The following PLCB1 variants were observed in gnomAD, a reference collection of about 807,000 sequenced individuals.
PLCB1 encodes the protein phospholipase C beta 1.
In PLCB1, 46 loss-of-function variants were observed where a neutral mutation model predicts 161.8. The ratio of observed to expected loss-of-function variants is 0.28; its 90% confidence interval spans 0.22 to 0.36. PLCB1 has a LOEUF of 0.36. Among genes scored for constraint, PLCB1 ranks in the 10% least tolerant of loss-of-function variants. The probability of loss-of-function intolerance (pLI) is 1.00; values close to 1 mark genes in which losing one functional copy is unlikely to be tolerated. For synonymous variants in PLCB1, 517 were observed against 503.7 expected (o/e 1.03, Z -0.35); for missense variants, 1,016 against 1,472.5 (o/e 0.69, Z 5.07).
chr20:8,483,757 T>C (rs918614542), intron 3 of PLCB1, among the ~76,000 whole-genome samples: 1 of 152,232 alleles, frequency 6.6e-6, no homozygotes, highest in Non-Finnish European at 1.5e-5. Flanking sequence ...GAGCTGCAAA[T>C]GAAGACTAGT....
chr20:8,539,520 C>A (rs1241947921), intron 3 of PLCB1, among the ~76,000 whole-genome samples: 3 of 152,060 alleles, frequency 2.0e-5, no homozygotes, highest in Non-Finnish European at 2.9e-5. Flanking sequence ...CCTTTGAGGT[C>A]GGGAAATATT....
chr20:8,629,523 C>T (rs1415541511), intron 4 of PLCB1, among the ~76,000 whole-genome samples: 2 of 152,120 alleles, frequency 1.3e-5, no homozygotes, highest in African/African-American at 4.8e-5. Flanking sequence ...CTTTCTTTTT[C>T]CATTTTTATA....
At chr20:8,573,390 C>T (rs1051925804) in intron 3 of PLCB1, among the ~76,000 whole-genome samples, 3 of 152,100 alleles carry the variant, frequency 2.0e-5, no homozygotes, top group African/African-American at 7.2e-5. Flanking sequence ...AGAAATGGTG[C>T]TGTGTTTGCC....
At position 8,486,870 on chromosome 20, in the gene PLCB1, T is replaced by TATC. The variant is rs553981847; in HGVS notation, c.246+115421_246+115423dup. On this transcript the variant is annotated intron_variant, in intron 3 of 31. Transcript: ENST00000338037. ...ACAAGCTGTATTTGTTTGTTGACAT[T>TATC]ATCTATCAAAGAGGCTTCTAAACAC... Among the ~76,000 whole-genome samples the TATC allele has an allele frequency of 5.5e-3, 842 of 152,334 alleles. 5 individuals carry two copies. Among genetic ancestry groups the TATC allele is most frequent in the Middle Eastern group, 0.01 (3 of 294 alleles).
chr20:8,567,453 T>A lies in PLCB1; in HGVS notation c.247-60841T>A, dbSNP rs187572873. On this transcript the variant is annotated intron_variant, in intron 3 of 31. Transcript: ENST00000338037. ...GTGGACAACCCAATGCCTGGGAACA[T>A]GATGTTCATAAGTTTAGTATTCTCC... Among the ~76,000 whole-genome samples, 61 of 152,228 alleles carry A rather than the reference T, an allele frequency of 4.0e-4. 1 individual carries two copies. The East Asian group carries it at 0.011, about 28-fold the overall frequency.
At chr20:8,536,844 A>C (rs529434809) in intron 3 of PLCB1, among the ~76,000 whole-genome samples, 1 of 152,198 alleles carries the variant, frequency 6.6e-6, no homozygotes, top group Non-Finnish European at 1.5e-5. Flanking sequence ...GCATGGGGGA[A>C]TATCATACAG....
chr20:8,505,091 G>A (rs1377729558), intron 3 of PLCB1, among the ~76,000 whole-genome samples: 1 of 152,068 alleles, frequency 6.6e-6, no homozygotes, highest in African/African-American at 2.4e-5. Context: ...CAAACTCCTG[G>A]CCTCAGCAAT....
intron 2 of PLCB1, among the ~76,000 whole-genome samples, chr20:8,209,374 T>A (rs925073010): frequency 6.6e-6 from 1 of 152,132 alleles, no homozygotes; most frequent in Non-Finnish European, 1.5e-5. Flanking sequence ...ACAGCTTTTC[T>A]TAGCAAATGT....
rs375655622 is a variant in PLCB1 at position 8,634,131 on chromosome 20, T to C, written c.384+5700T>C. 2.8e-4 allele frequency among the ~76,000 whole-genome samples: 42 copies of C among 152,358 alleles called. No individual in the cohort carries two copies. The East Asian group carries it at 3.3e-3, about 12-fold the overall frequency. ...ACTGGTCATAGATCTTTGTGTGTACTGCTTTGATAGATACTGTCCTTTTCT... is the reference window on the plus strand; with the variant it reads ...ACTGGTCATAGATCTTTGTGTGTACCGCTTTGATAGATACTGTCCTTTTCT... On this transcript the variant is annotated intron_variant, in intron 4 of 31. Transcript: ENST00000338037.
intron 2 of PLCB1, among the ~76,000 whole-genome samples, chr20:8,340,700 A>G (rs1301530739): frequency 6.6e-6 from 1 of 152,196 alleles, no homozygotes; most frequent in Non-Finnish European, 1.5e-5. Context: ...CTGGGATTAC[A>G]GGCGTGAGCC....
chr20:8,330,056 A>C (rs2745779), intron 2 of PLCB1, among the ~76,000 whole-genome samples: 1,881 of 152,308 alleles, frequency 0.012, 37 homozygotes, highest in African/African-American at 0.042. Flanking sequence ...TCGGGCAAAA[A>C]CCACTAAGAT....
rs2143266 is a variant in PLCB1, at chr20:8,736,857, T to C, written c.2044-171T>C. On this transcript the variant is annotated intron_variant, in intron 19 of 31. Coordinates refer to ENST00000338037, the MANE Select transcript of PLCB1 (RefSeq NM_015192.4). ...GAGGACATAGAACCAAACCATATCA[T>C]AACCCATTAAGTGAAAGGGAAATCA... 0.66 allele frequency among the ~76,000 whole-genome samples: 100,824 copies of C among 151,748 alleles called. 34,510 individuals are homozygous for C. The highest frequency in any genetic ancestry group is 0.81 in the East Asian group (4,179 of 5,138).
At chr20:8,477,892 G>C (rs111694966) in intron 3 of PLCB1, among the ~76,000 whole-genome samples, 2 of 152,288 alleles carry the variant, frequency 1.3e-5, no homozygotes, top group African/African-American at 4.8e-5. Context: ...GTTTGGATGG[G>C]ACACACATCC....
intron 3 of PLCB1, among the ~76,000 whole-genome samples, chr20:8,574,403 C>G (rs1440723346): frequency 4.6e-5 from 7 of 151,636 alleles, no homozygotes; most frequent in Non-Finnish European, 4.4e-5. Context: ...CTTCTCAAAA[C>G]AAAACAAAAA....
Position 8,449,547 on chromosome 20 carries a change from C to T in PLCB1, c.246+78097C>T, listed in dbSNP as rs552783424. ...ATATACTCTACCTAAGGACAGCCCTCAACCAGTGGAATGATGGGGATGGTT... is the reference window on the plus strand; with the variant it reads ...ATATACTCTACCTAAGGACAGCCCTTAACCAGTGGAATGATGGGGATGGTT... On this transcript the variant is annotated intron_variant, in intron 3 of 31. Transcript: ENST00000338037. Among the ~76,000 whole-genome samples the T allele has an allele frequency of 2.0e-5, 3 of 152,330 alleles. No homozygotes were observed. The South Asian group carries it at 6.2e-4, about 32-fold the overall frequency.
In PLCB1 at chr20:8,729,179, G is replaced by A; in HGVS notation, c.1888+5G>A. 1 of 1,606,610 alleles carries A rather than the reference G, an allele frequency of 6.2e-7. No individual in the cohort carries two copies. Among genetic ancestry groups the A allele is most frequent in the Non-Finnish European group, 8.5e-7 (1 of 1,175,912 alleles). On this transcript the variant is annotated splice_donor_5th_base_variant and intron_variant, in intron 18 of 31. Coordinates refer to ENST00000338037, the MANE Select transcript of PLCB1 (RefSeq NM_015192.4). ...CACTTAATTTCCAGACAATGGGTAA[G>A]TACATGCTTGTTCCCATTCTGCTAT...
intron 2 of PLCB1, among the ~76,000 whole-genome samples, chr20:8,170,611 C>T (rs139682184): frequency 7.8e-4 from 118 of 151,976 alleles, no homozygotes; most frequent in Non-Finnish European, 1.5e-3. Context: ...GCTTTTTGAC[C>T]GAGAAGAAGC....
At chr20:8,257,827 T>C (rs774286298) in intron 2 of PLCB1, among the ~76,000 whole-genome samples, 1 of 152,058 alleles carries the variant, frequency 6.6e-6, no homozygotes, top group African/African-American at 2.4e-5. Flanking sequence ...GAGACAGAGA[T>C]AAAGGACAAA....
At chr20:8,371,239 G>A in intron 2 of PLCB1, 143 bp from the exon 3 acceptor site, 1 of 577,386 alleles carries the variant, frequency 1.7e-6, no homozygotes, top group Non-Finnish European at 3.1e-6. Context: ...ATTGAGAAGT[G>A]ATATAAGAGG....
Sources: gnomAD v4.1 joint callset for allele counts (sites outside exome capture counted in the v4.1 genomes callset) on GRCh38, gnomAD v4.1.1 for gene constraint, MANE v1.5 for transcripts, NCBI Gene and HGNC (gene_info 2026-07-23, HGNC 2026-07-21) for gene names.